Variants in ZNF701 observed in about 807,000 individuals in gnomAD.
ZNF701 encodes zinc finger protein 701.
In ZNF701, 6 loss-of-function variants were observed where a neutral mutation model predicts 7.1. The ratio of observed to expected loss-of-function variants is 0.84; its 90% CI spans 0.46 to 1.66. ZNF701 has a LOEUF of 1.66. Ranked by LOEUF, ZNF701 falls within the 40% of genes most tolerant of loss-of-function variation. The pLI, the probability that ZNF701 is intolerant of heterozygous loss-of-function variation, is 0.01. For missense variants in ZNF701, 541 were observed against 559.2 expected, an observed-to-expected ratio of 0.97 and a Z score of 0.33; for synonymous variants, 166 against 188.2, an observed-to-expected ratio of 0.88 and a Z score of 0.97.
rs1021500557 is a variant in ZNF701, at chr19:52,586,951, C to A, written c.*3494C>A. The A allele has an allele frequency of 5.9e-5, 9 of 152,142 alleles. No individual in the cohort carries two copies. The highest frequency in any genetic ancestry group is 2.6e-4 in the Admixed American group (4 of 15,268). The allele number at this position is 152,142 out of a possible 1,614,324, so 9.4% of individuals were successfully genotyped here. On this transcript the variant is annotated 3_prime_UTR_variant, in exon 4 of 4. Transcript: ENST00000391785. Reference sequence around the variant, plus strand: ...CTCCGTGTCCCCTGCAGGCCTCGCCCCGGAGCTCTACAATCCTGTGTGCAG... The same window carrying A: ...CTCCGTGTCCCCTGCAGGCCTCGCCACGGAGCTCTACAATCCTGTGTGCAG...
chr19:52,580,876 G>GT (rs2146991359), intron 3 of ZNF701, among the ~76,000 whole-genome samples: 1 of 79,588 alleles, frequency 1.3e-5, no homozygotes, highest in East Asian at 4.9e-4. Context: ...GTAATCCCAG[G>GT]ACTTCGGGAG....
intron 2 of ZNF701, among the ~76,000 whole-genome samples, chr19:52,575,103 G>A (rs2059924843): frequency 6.6e-6 from 1 of 152,114 alleles, no homozygotes; most frequent in African/African-American, 2.4e-5. Flanking sequence ...CTGAGTAGCT[G>A]GGACTACAGG....
the ZNF701 span, chr19:52,596,993 A>G: frequency 1.0e-6 from 1 of 972,818 alleles, no homozygotes; most frequent in Non-Finnish European, 1.6e-6. Flanking sequence ...TCCATGGTGT[A>G]GGGAAACTTT....
At position 52,573,433 on chromosome 19, in the gene ZNF701, C is replaced by A. The variant is rs1413864563; in HGVS notation, c.-71-644C>A. Among the ~76,000 whole-genome samples the A allele has an allele frequency of 2.0e-5, 3 of 152,096 alleles. No homozygotes were observed. The East Asian group carries it at 5.8e-4, about 29-fold the overall frequency. On this transcript the variant is annotated intron_variant, in intron 1 of 3. Transcript: ENST00000391785. ...TGTATTTTTAGTAGATATGGGGTTT[C>A]ACCATGTTGGCCAGGCTGCTGTTGA...
At chr19:52,578,850 C>CG (rs1201010118) in intron 3 of ZNF701, among the ~76,000 whole-genome samples, 4 of 152,050 alleles carry the variant, frequency 2.6e-5, no homozygotes, top group Non-Finnish European at 5.9e-5. Flanking sequence ...CTCCACCTCC[C>CG]GGGTTCACGC....
chr19:52,571,492 A>C (rs185351062), intron 1 of ZNF701, among the ~76,000 whole-genome samples: 1 of 152,120 alleles, frequency 6.6e-6, no homozygotes, highest in Non-Finnish European at 1.5e-5. Context: ...GAGCAACAAG[A>C]GATTAAATAA....
rs780374330 is a variant in ZNF701 at position 52,584,618 on chromosome 19, G to A, written c.*1161G>A. 14 of 152,150 alleles carry A rather than the reference G, an allele frequency of 9.2e-5. No homozygotes were observed. The highest frequency in any genetic ancestry group is 1.9e-4 in the Non-Finnish European group (13 of 68,032). The allele number at this position is 152,150 out of a possible 1,614,324, so 9.4% of individuals were successfully genotyped here. A position where few individuals can be genotyped will look rare whatever the true frequency, so the allele number is the denominator to read the frequency against. The stretch of plus-strand genomic sequence containing the variant: ...TTAATCATTTTGGTTAATGTTTGTA[G>A]ATTTCAAGGTGTGAAATTCTCAGTT... On this transcript the variant is annotated 3_prime_UTR_variant, in exon 4 of 4. Transcript: ENST00000391785.
At chr19:52,570,500 A>G (rs893475105) in intron 1 of ZNF701, among the ~76,000 whole-genome samples, 170 bp downstream of exon 1, 1 of 152,074 alleles carries the variant, frequency 6.6e-6, no homozygotes, top group Non-Finnish European at 1.5e-5. Context: ...TTTGTGTTTA[A>G]AGTCGCCCTG....
At chr19:52,575,719 C>G (rs1035464825) in intron 2 of ZNF701, 176 bp from the exon 3 acceptor site, 13 of 474,534 alleles carry the variant, frequency 2.7e-5, no homozygotes, top group Non-Finnish European at 3.3e-5. Context: ...CTGAGCTCTT[C>G]AGAAAGTATA....
At chr19:52,596,670 C>A in the ZNF701 span, 1 of 463,126 alleles carries the variant, frequency 2.2e-6, no homozygotes, top group South Asian at 1.7e-5. Flanking sequence ...TGCACAACAT[C>A]AGAGAGTTCA....
chr19:52,585,513 T>C lies in ZNF701; in HGVS notation c.*2056T>C, dbSNP rs1231846370. 2 of 150,660 alleles carry C rather than the reference T, an allele frequency of 1.3e-5. No individual in the cohort carries two copies. The highest frequency in any genetic ancestry group is 2.9e-5 in the Non-Finnish European group (2 of 67,816). The allele number at this position is 150,660 out of a possible 1,614,324, so 9.3% of individuals were successfully genotyped here. A position where few individuals can be genotyped will look rare whatever the true frequency, so the allele number is the denominator to read the frequency against. On this transcript the variant is annotated 3_prime_UTR_variant, in exon 4 of 4. Transcript: ENST00000391785. The stretch of plus-strand genomic sequence containing the variant: ...GTTCCCGGAAGGCAGGCCTGGAATG[T>C]GAAGTTTCCAGGTAGATGGATATTA...
chr19:52,580,817 T>C (rs1329883505), intron 3 of ZNF701, among the ~76,000 whole-genome samples: 1 of 152,160 alleles, frequency 6.6e-6, no homozygotes, highest in Non-Finnish European at 1.5e-5. Flanking sequence ...ACTGACACAC[T>C]CCACTCGTTA....
intron 3 of ZNF701, among the ~76,000 whole-genome samples, chr19:52,578,009 C>A (rs183351381): frequency 6.6e-6 from 1 of 152,158 alleles, no homozygotes; most frequent in Admixed American, 6.6e-5. Flanking sequence ...AATCCCAGCA[C>A]TTTAGGGGTC....
chr19:52,588,540 T>G (rs1600094658), downstream of ZNF701: 2 of 350,998 alleles, frequency 5.7e-6, no homozygotes, highest in African/African-American at 4.4e-5. Flanking sequence ...AGGATTGATT[T>G]CCAAAGACTC....
In ZNF701 at chr19:52,582,699, T is replaced by C; in HGVS notation, c.640T>C (p.Ser214Pro). The C allele has an allele frequency of 1.9e-6, 3 of 1,614,046 alleles. No individual in the cohort carries two copies. Among genetic ancestry groups the C allele is most frequent in the Non-Finnish European group, 2.5e-6 (3 of 1,179,982 alleles). The change falls in exon 4 of 4, where the codon TCT becomes CCT. Residue 214 changes from serine to proline, a missense_variant. By Grantham distance (74) the Ser-to-Pro change is moderately conservative. Coordinates refer to ENST00000391785, the MANE Select transcript of ZNF701 (RefSeq NM_018260.3). ...QKREVHTREK[S>P]FQRNESGKAF... ...ACGGGAAGTACACACAAGAGAAAAA[T>C]CTTTCCAACGTAATGAGAGTGGCAA...
downstream of ZNF701, chr19:52,591,925 G>A (rs1041052463): frequency 2.7e-6 from 1 of 371,536 alleles, no homozygotes; most frequent in South Asian, 4.3e-5. Flanking sequence ...AATCTATCAA[G>A]GAAAAGTGCA....
At chr19:52,595,743 T>C in the ZNF701 span, 1 of 1,580,606 alleles carries the variant, frequency 6.3e-7, no homozygotes, top group Non-Finnish European at 8.7e-7. Context: ...TTCCCAGAAA[T>C]CAAGAAAGAT....
rs532175286 is a variant in ZNF701, at chr19:52,585,472, C to G, written c.*2015C>G. ...TTCTCCTGGAGGCAACCCTCTTTTTCCACCCTCGCCCTGTTGTTCCCGGAA... is the reference window on the plus strand; with the variant it reads ...TTCTCCTGGAGGCAACCCTCTTTTTGCACCCTCGCCCTGTTGTTCCCGGAA... On this transcript the variant is annotated 3_prime_UTR_variant, in exon 4 of 4. Transcript: ENST00000391785. 1 of 152,172 alleles carries G rather than the reference C, an allele frequency of 6.6e-6. No individual in the cohort carries two copies. The highest frequency in any genetic ancestry group is 2.1e-4 in the South Asian group (1 of 4,832). 9.4% of individuals were successfully genotyped at this position (152,172 alleles called of 1,614,324 possible).
chr19:52,593,382 G>A, the ZNF701 span, among the ~76,000 whole-genome samples: 13 of 105,874 alleles, frequency 1.2e-4, 4 homozygotes, highest in East Asian at 1.6e-3. Context: ...CTCACCTCCC[G>A]GATGGGGCGG....
Sources: allele counts gnomAD v4.1 joint callset (sites outside exome capture counted in the v4.1 genomes callset), GRCh38; gene constraint gnomAD v4.1.1; transcripts MANE v1.5; gene names NCBI Gene and HGNC (gene_info 2026-07-23, HGNC 2026-07-21).